Variants in ATP10D observed in about 807,000 individuals in gnomAD.
The protein encoded by ATP10D is ATPase phospholipid transporting 10D (putative), also known as phospholipid-transporting ATPase VD.
Under a neutral mutation model 144.8 loss-of-function variants are expected in ATP10D, and 89 were observed. That is an observed-to-expected ratio of 0.61 (90% CI 0.52 to 0.73). The LOEUF (loss-of-function observed/expected upper bound fraction) is 0.73, where lower values mean the gene tolerates loss of function less well. Ranked by LOEUF, ATP10D falls within the 30% of genes least tolerant of loss-of-function variation. The probability of loss-of-function intolerance (pLI) is 0.00; values close to 1 mark genes in which losing one functional copy is unlikely to be tolerated. For synonymous variants in ATP10D, 571 were observed against 615.1 expected, an observed-to-expected ratio of 0.93 and a Z score of 1.06; for missense variants, 1,603 against 1,714.8, an observed-to-expected ratio of 0.93 and a Z score of 1.15.
At chr4:47,587,800 T>C (rs1341260419) in intron 22 of ATP10D, among the ~76,000 whole-genome samples, 2 of 152,154 alleles carry the variant, frequency 1.3e-5, no homozygotes, top group African/African-American at 4.8e-5. Flanking sequence ...CTCTTAATAT[T>C]GTAAAAACAG....
At chr4:47,584,022 T>C (rs1365591425) in intron 21 of ATP10D, among the ~76,000 whole-genome samples, 1 of 152,206 alleles carries the variant, frequency 6.6e-6, no homozygotes, top group East Asian at 1.9e-4. Context: ...GGGAGGAATA[T>C]TTTGCCGAGA....
At chr4:47,526,559 A>G (rs1281758015) in intron 5 of ATP10D, among the ~76,000 whole-genome samples, 4 of 152,202 alleles carry the variant, frequency 2.6e-5, no homozygotes, top group Non-Finnish European at 5.9e-5. Flanking sequence ...AATGAAAGAT[A>G]TCAAACAAGA....
rs1456863048 is a variant in ATP10D at position 47,525,616 on chromosome 4, T to G, written c.750T>G (p.Asn250Lys). The change falls in exon 5 of 23, where the codon AAT (asparagine) becomes AAG (lysine). Residue 250 changes from asparagine to lysine, a missense_variant. By Grantham distance (94) the Asn-to-Lys change is moderately conservative (BLOSUM62 0). Coordinates refer to ENST00000273859, the MANE Select transcript of ATP10D (RefSeq NM_020453.4). The part of the protein sequence containing the change: ...SSRIECESPN[N>K]DLSRFRGFLE... ...GGATAGAATGTGAAAGCCCAAACAA[T>G]GACCTCAGCAGATTCCGAGGCTTCC... 1 of 1,613,416 alleles carries G rather than the reference T, an allele frequency of 6.2e-7. No individual in the cohort carries two copies. Among genetic ancestry groups the G allele is most frequent in the South Asian group, 1.1e-5 (1 of 91,064 alleles).
intron 3 of ATP10D, among the ~76,000 whole-genome samples, chr4:47,520,845 G>A (rs1045704501): frequency 2.0e-5 from 3 of 152,062 alleles, no homozygotes; most frequent in Non-Finnish European, 4.4e-5. Context: ...GGGATTACTG[G>A]CATGAGCCAC....
chr4:47,592,936 G>C lies in ATP10D; in HGVS notation c.*1555G>C, dbSNP rs1721110041. The C allele has an allele frequency of 6.6e-6, 1 of 152,340 alleles. No homozygotes were observed. Among genetic ancestry groups the C allele is most frequent in the African/African-American group, 2.4e-5 (1 of 41,422 alleles). The allele number at this position is 152,340 out of a possible 1,614,324, so 9.4% of individuals were successfully genotyped here. ...CATTTGCCAAATCCAACTGTAATTA[G>C]TACCAGAACTTAGAAGGAAAGTCAC... On this transcript the variant is annotated 3_prime_UTR_variant, in exon 23 of 23. Transcript: ENST00000273859.
rs1283669323 is a variant in ATP10D at position 47,587,172 on chromosome 4, T to G, written c.3907T>G (p.Cys1303Gly). The change falls in exon 22 of 23, where the codon TGT (cysteine) becomes GGT (glycine). Residue 1303 changes from cysteine (C) to glycine (G), a missense_variant. Physicochemically the swap from Cys to Gly is radical, Grantham distance 159. Coordinates refer to ENST00000273859, the MANE Select transcript of ATP10D (RefSeq NM_020453.4). The stretch of plus-strand genomic sequence containing the variant: ...GCTGGATCCAGTATTCTACTTAGTT[T>G]GTATCCTCACGACGTCCATTGCTCT... ...HMLDPVFYLV[C>G]ILTTSIALLP... 1 of 1,613,966 alleles carries G rather than the reference T, an allele frequency of 6.2e-7. No homozygotes were observed. The highest frequency in any genetic ancestry group is 8.5e-7 in the Non-Finnish European group (1 of 1,179,906).
chr4:47,574,615 G>A (rs1045937473), intron 18 of ATP10D, among the ~76,000 whole-genome samples: 3 of 152,138 alleles, frequency 2.0e-5, no homozygotes, highest in Non-Finnish European at 2.9e-5. Flanking sequence ...GGCCAGGTGC[G>A]GTGGCTCACG....
intron 22 of ATP10D, among the ~76,000 whole-genome samples, chr4:47,587,717 C>G (rs1016355962): frequency 6.6e-6 from 1 of 152,180 alleles, no homozygotes; most frequent in Non-Finnish European, 1.5e-5. Context: ...AAAAGGGGAT[C>G]AAACTCGCCC....
chr4:47,572,380 T>A (rs1577698032), intron 17 of ATP10D, 150 bp downstream of exon 17: 4 of 191,678 alleles, frequency 2.1e-5, no homozygotes, highest in Non-Finnish European at 3.2e-5. Flanking sequence ...TATTCATTGA[T>A]TTTTTTTTAC....
chr4:47,507,837 A>G (rs1053990161), intron 1 of ATP10D, among the ~76,000 whole-genome samples: 1 of 151,878 alleles, frequency 6.6e-6, no homozygotes, highest in Admixed American at 6.6e-5. Context: ...ATCCCTCCCA[A>G]TCTCCCTCAT....
At position 47,592,276 on chromosome 4, in the gene ATP10D, A is replaced by G. The variant is rs1721085341; in HGVS notation, c.*895A>G. 1 of 152,564 alleles carries G rather than the reference A, an allele frequency of 6.6e-6. No individual in the cohort carries two copies. The highest frequency in any genetic ancestry group is 6.6e-5 in the Admixed American group (1 of 15,252). 9.5% of individuals were successfully genotyped at this position (152,564 alleles called of 1,614,324 possible). The stretch of plus-strand genomic sequence containing the variant: ...AAGTGATACAATCAATTTCAAAACA[A>G]TCTTCCAGAGACCACTTGAAGGTTC... On this transcript the variant is annotated 3_prime_UTR_variant, in exon 23 of 23. Coordinates refer to ENST00000273859, the MANE Select transcript of ATP10D (RefSeq NM_020453.4).
intron 10 of ATP10D, among the ~76,000 whole-genome samples, chr4:47,551,496 A>G (rs576207076): frequency 3.9e-5 from 6 of 152,240 alleles, no homozygotes; most frequent in Non-Finnish European, 8.8e-5. Context: ...CCAAAGAGTG[A>G]CATCTTTTTC....
At chr4:47,542,633 A>C (rs1288200839) in intron 9 of ATP10D, among the ~76,000 whole-genome samples, 1 of 151,450 alleles carries the variant, frequency 6.6e-6, no homozygotes, top group Non-Finnish European at 1.5e-5. Context: ...GCCCGCCACC[A>C]CACCCAGCTA....
intron 7 of ATP10D, 86 bp from the exon 8 acceptor site, chr4:47,536,351 C>T (rs1717845356): frequency 2.7e-6 from 4 of 1,501,792 alleles, no homozygotes; most frequent in Non-Finnish European, 3.6e-6. Flanking sequence ...AATGAATACT[C>T]TCATTCCTTC....
chr4:47,528,999 G>A (rs1226892420), intron 5 of ATP10D, among the ~76,000 whole-genome samples: 1 of 151,688 alleles, frequency 6.6e-6, no homozygotes, highest in Admixed American at 6.6e-5. Flanking sequence ...CTGTTTTGTA[G>A]TTGTTGATTT....
intron 5 of ATP10D, among the ~76,000 whole-genome samples, chr4:47,526,884 T>C (rs541700416): frequency 6.6e-6 from 1 of 152,158 alleles, no homozygotes; most frequent in Non-Finnish European, 1.5e-5. Context: ...GAAATCAGTT[T>C]CCCCCCAGAT....
intron 10 of ATP10D, among the ~76,000 whole-genome samples, chr4:47,550,937 A>C (rs1269763023): frequency 6.6e-6 from 1 of 152,380 alleles, no homozygotes; most frequent in Middle Eastern, 3.4e-3. Context: ...GCAAGATTTA[A>C]TAGAGTGAAA....
Position 47,509,682 on chromosome 4 carries a change from G to GT in ATP10D, c.-37-2821dup, listed in dbSNP as rs376990514. 6.0e-3 allele frequency among the ~76,000 whole-genome samples: 907 copies of GT among 152,214 alleles called. 7 individuals carry two copies. The highest frequency in any genetic ancestry group is 0.02 in the African/African-American group (851 of 41,522). On this transcript the variant is annotated intron_variant, in intron 1 of 22. Coordinates refer to ENST00000273859, the MANE Select transcript of ATP10D (RefSeq NM_020453.4). ...CTTTGTAGCTGAAATTTTGTATTCT[G>GT]TAATAGTCTGTTTTCTGCATTTGGG...
intron 1 of ATP10D, among the ~76,000 whole-genome samples, chr4:47,508,587 A>G (rs1242254835): frequency 6.6e-6 from 1 of 152,270 alleles, no homozygotes; most frequent in Non-Finnish European, 1.5e-5. Context: ...GTGGTGAGCA[A>G]AGTGCTCATT....
Sources: gnomAD v4.1 joint callset for allele counts (sites outside exome capture counted in the v4.1 genomes callset) on GRCh38, gnomAD v4.1.1 for gene constraint, MANE v1.5 for transcripts, NCBI Gene and HGNC (gene_info 2026-07-23, HGNC 2026-07-21) for gene names.